NLRP14: variants seen among roughly 807,000 people sequenced by gnomAD.
The protein encoded by NLRP14 is NLR family pyrin domain containing 14.
In NLRP14, 105 loss-of-function variants were observed where a neutral mutation model predicts 94.7. The ratio of observed to expected loss-of-function variants is 1.11; its 90% CI spans 0.95 to 1.30. The LOEUF (loss-of-function observed/expected upper bound fraction) is 1.30. Among genes scored for constraint, NLRP14 ranks in the 50% most tolerant of loss-of-function variants. NLRP14 has a pLI of 0.00. For missense variants in NLRP14, 1,362 were observed against 1,254.1 expected, an observed-to-expected ratio of 1.09 and a Z score of -1.30; for synonymous variants, 508 against 459.9, an observed-to-expected ratio of 1.10 and a Z score of -1.34.
chr11:7,085,616 T>G, the NLRP14 span, among the ~76,000 whole-genome samples: 1 of 152,184 alleles, frequency 6.6e-6, no homozygotes, highest in South Asian at 2.1e-4. Flanking sequence ...TTCTCAGTAT[T>G]TACGGGGAAT....
At chr11:7,083,742 C>T in the NLRP14 span, among the ~76,000 whole-genome samples, 1 of 152,178 alleles carries the variant, frequency 6.6e-6, no homozygotes, top group African/African-American at 2.4e-5. Flanking sequence ...ACCCAGGTGG[C>T]TACTTCAAGC....
rs116432287 is a variant in NLRP14, at chr11:7,069,673, C to G, written c.2976-613C>G. ...ACGGAGTCTTGCTCTATAGCTCAGG[C>G]TGGAATGCAGTGGTGCGATCTCAGC... On this transcript the variant is annotated intron_variant, in intron 10 of 11. Transcript: ENST00000299481. Among the ~76,000 whole-genome samples the G allele has an allele frequency of 5.3e-3, 811 of 152,148 alleles. 3 individuals are homozygous for G. The highest frequency in any genetic ancestry group is 0.013 in the African/African-American group (530 of 41,518).
intron 5 of NLRP14, among the ~76,000 whole-genome samples, chr11:7,047,763 C>CTTTTTTTTTTTTTTT: frequency 8.1e-6 from 1 of 123,844 alleles, no homozygotes; most frequent in Non-Finnish European, 1.6e-5. Flanking sequence ...TCTTTCTTTT[C>CTTTTTTTTTTTTTTT]TTTTCTTTTT....
chr11:7,049,115 A>G (rs1485803676), intron 5 of NLRP14, among the ~76,000 whole-genome samples: 1 of 152,184 alleles, frequency 6.6e-6, no homozygotes, highest in Non-Finnish European at 1.5e-5. Context: ...CAGAGACACT[A>G]TAGAAGAATC....
the NLRP14 span, among the ~76,000 whole-genome samples, chr11:7,079,470 A>G: frequency 6.6e-6 from 1 of 152,274 alleles, no homozygotes; most frequent in Non-Finnish European, 1.5e-5. Flanking sequence ...AGAACAGTGT[A>G]TAAACACATA....
the NLRP14 span, chr11:7,089,266 G>A: frequency 6.2e-7 from 1 of 1,610,118 alleles, no homozygotes; most frequent in South Asian, 1.1e-5. Context: ...AACAAGTCGA[G>A]GGGCTTCGCG....
Position 7,063,161 on chromosome 11 carries a change from A to G in NLRP14, c.2975+658A>G, listed in dbSNP as rs569670857. On this transcript the variant is annotated intron_variant, in intron 10 of 11. Transcript: ENST00000299481. The stretch of plus-strand genomic sequence containing the variant: ...TTGACTATATATTTTTATAATAGCA[A>G]TGATGATGATGTAACTGTTAGGTCT... 2.2e-4 allele frequency among the ~76,000 whole-genome samples: 33 copies of G among 152,232 alleles called. 1 individual carries two copies. The South Asian group carries it at 5.4e-3, about 25-fold the overall frequency.
intron 1 of NLRP14, among the ~76,000 whole-genome samples, chr11:7,026,816 T>G (rs1589855234): frequency 4.4e-5 from 3 of 68,834 alleles, no homozygotes; most frequent in Admixed American, 1.9e-4. Flanking sequence ...CCATGGGGGG[T>G]AGGGGGAGGG....
the NLRP14 span, chr11:7,089,076 C>T: frequency 1.4e-5 from 22 of 1,592,754 alleles, no homozygotes; most frequent in Non-Finnish European, 1.8e-5. Context: ...CTGGCGCCGC[C>T]TCACCGCCTC....
chr11:7,030,320 AC>A (rs1260465180), intron 1 of NLRP14, among the ~76,000 whole-genome samples: 1 of 152,234 alleles, frequency 6.6e-6, no homozygotes, highest in African/African-American at 2.4e-5. Flanking sequence ...AGCCTTGGTG[AC>A]TACTGTGGTC....
At chr11:7,089,674 G>T in the NLRP14 span, 17 of 1,476,222 alleles carry the variant, frequency 1.2e-5, no homozygotes, top group Non-Finnish European at 1.5e-5. Context: ...CTGGCCGTGC[G>T]GGGGCGAGAC....
intron 11 of NLRP14, among the ~76,000 whole-genome samples, 168 bp downstream of exon 11, chr11:7,070,624 T>C (rs190481188): frequency 1.7e-4 from 26 of 152,324 alleles, no homozygotes; most frequent in African/African-American, 6.0e-4. Context: ...AGATACAATA[T>C]AGCATAGTGG....
chr11:7,038,515 A>C (rs1008917790), intron 1 of NLRP14, 51 bp from the exon 2 acceptor site: 9 of 1,398,372 alleles, frequency 6.4e-6, no homozygotes, highest in African/African-American at 1.4e-5. Flanking sequence ...TGTCTTTTTC[A>C]TGTGTCCCAT....
Position 7,038,537 on chromosome 11 carries a change from G to C in NLRP14, c.-21-29G>C, listed in dbSNP as rs766360171. ...TTCATGTGTCCCATTTATTCCATGT[G>C]CTTTTGGTTATTTTTTTTCCCCCCA... On this transcript the variant is annotated intron_variant, in intron 1 of 11. Transcript: ENST00000299481. 31 of 1,544,262 alleles carry C rather than the reference G, an allele frequency of 2.0e-5. 1 individual carries two copies. The highest frequency in any genetic ancestry group is 1.5e-4 in the Admixed American group (9 of 59,910).
chr11:7,051,739 C>T (rs1428180464), intron 6 of NLRP14, among the ~76,000 whole-genome samples: 1 of 152,216 alleles, frequency 6.6e-6, no homozygotes, highest in Non-Finnish European at 1.5e-5. Context: ...TCTCCTGCCT[C>T]AGCCTCCTGA....
intron 1 of NLRP14, among the ~76,000 whole-genome samples, chr11:7,027,335 T>C (rs1852030402): frequency 6.6e-6 from 1 of 151,986 alleles, no homozygotes; most frequent in African/African-American, 2.4e-5. Context: ...AAGTCCAAGA[T>C]CAAGGCACCA....
In NLRP14 at chr11:7,043,279, T is replaced by C. The variant is rs1852293875; in HGVS notation, c.1253T>C (p.Leu418Pro). ...CCAGTAGATGGAGGCTCTCCTAGTC[T>C]ACCCAACCAAGCCCAGCTGAGAAGA... is the stretch of plus-strand genomic sequence containing the variant. ...FTPVDGGSPS[L>P]PNQAQLRRLC... The change falls in exon 4 of 12, where the codon CTA becomes CCA. Residue 418 changes from leucine to proline, a missense_variant. Coordinates refer to ENST00000299481, the MANE Select transcript of NLRP14 (RefSeq NM_176822.4). The C allele has an allele frequency of 6.2e-7, 1 of 1,614,194 alleles. No individual in the cohort carries two copies.
chr11:7,035,544 A>G (rs1368894721), intron 1 of NLRP14, among the ~76,000 whole-genome samples: 1 of 152,214 alleles, frequency 6.6e-6, no homozygotes, highest in African/African-American at 2.4e-5. Context: ...CCCCAAGGAA[A>G]TATCCAGCCT....
chr11:7,038,593 G>A lies in NLRP14; in HGVS notation c.7G>A (p.Asp3Asn). 1 of 1,613,672 alleles carries A rather than the reference G, an allele frequency of 6.2e-7. No homozygotes were observed. Among genetic ancestry groups the A allele is most frequent in the Non-Finnish European group, 8.5e-7 (1 of 1,179,958 alleles). The change falls in exon 2 of 12, where the codon GAT becomes AAT. Residue 3 changes from aspartate (D) to asparagine (N), a missense_variant. Physicochemically the swap from Asp to Asn is conservative, Grantham distance 23 (BLOSUM62 1). Coordinates refer to ENST00000299481, the MANE Select transcript of NLRP14 (RefSeq NM_176822.4). ...GCCTGAATATTTGGACAAGATGGCA[G>A]ATTCATCATCATCTTCTTTCTTTCC... MA[D>N]SSSSSFFPDF...
Sources: allele counts gnomAD v4.1 joint callset (sites outside exome capture counted in the v4.1 genomes callset), GRCh38; gene constraint gnomAD v4.1.1; transcripts MANE v1.5; gene names NCBI Gene and HGNC (gene_info 2026-07-23, HGNC 2026-07-21).